Variants in PDK1 observed in about 807,000 individuals in gnomAD.
The protein encoded by PDK1 is [Pyruvate dehydrogenase (acetyl-transferring)] kinase isozyme 1, mitochondrial.
In PDK1, 39 loss-of-function variants were observed where a neutral mutation model predicts 54.2. The observed-to-expected ratio is 0.72, with a 90% CI of 0.56 to 0.94. The LOEUF (loss-of-function observed/expected upper bound fraction) is 0.94, where lower values mean the gene tolerates loss of function less well. PDK1 is among the 40% of genes least tolerant of loss of function. PDK1 has a pLI of 0.00. For synonymous variants in PDK1, 221 were observed against 207.1 expected (o/e 1.07, Z -0.58); for missense variants, 552 against 566.0 (o/e 0.98, Z 0.25).
At chr2:172,709,082 C>A in the PDK1 span, among the ~76,000 whole-genome samples, 29 of 152,036 alleles carry the variant, frequency 1.9e-4, no homozygotes, top group East Asian at 5.4e-3. Flanking sequence ...TGTTTTTAAA[C>A]CTTTGCAGGT....
chr2:172,586,489 A>G, intron 9 of PDK1, 101 bp downstream of exon 9: 1 of 636,256 alleles, frequency 1.6e-6, no homozygotes, highest in South Asian at 1.9e-5. Flanking sequence ...GGTACTCCAC[A>G]AGGAAGAAAG....
Position 172,596,112 on chromosome 2 carries a change from A to G in PDK1, c.*143A>G. 3 of 689,578 alleles carry G rather than the reference A, an allele frequency of 4.4e-6. No individual in the cohort carries two copies. Among genetic ancestry groups the G allele is most frequent in the Non-Finnish European group, 7.0e-6 (3 of 427,728 alleles). 42.7% of individuals were successfully genotyped at this position (689,578 alleles called of 1,614,324 possible). On this transcript the variant is annotated 3_prime_UTR_variant, in exon 11 of 11. Transcript: ENST00000282077. ...GTAGAATAAATGGAAACTGAATTCC[A>G]TTTGTGCCCGTTAAACCTCCTAAAG... is the stretch of plus-strand genomic sequence containing the variant.
intron 8 of PDK1, among the ~76,000 whole-genome samples, chr2:172,583,289 T>G (rs986634133): frequency 4.8e-4 from 61 of 128,080 alleles, no homozygotes; most frequent in South Asian, 1.4e-3. Context: ...TGGTTTTTTT[T>G]TTTTTTTTTT....
Position 172,596,202 on chromosome 2 carries a change from G to A in PDK1, c.*233G>A, listed in dbSNP as rs1574541905. The A allele has an allele frequency of 4.9e-5, 16 of 329,132 alleles. No homozygotes were observed. In the East Asian group the frequency reaches 7.1e-4, roughly 15 times the overall value. The allele number at this position is 329,132 out of a possible 1,614,324, so 20.4% of individuals were successfully genotyped here. ...TAATTGAACATATTTTTAAACAACT[G>A]TAGTTTTGGGCAACTTTTCACTTTG... On this transcript the variant is annotated 3_prime_UTR_variant, in exon 11 of 11. Coordinates refer to ENST00000282077, the MANE Select transcript of PDK1 (RefSeq NM_002610.5).
Position 172,558,795 on chromosome 2 carries a change from G to A in PDK1, c.284G>A (p.Ser95Asn), listed in dbSNP as rs2149186624. Reference sequence around the variant, plus strand: ...CTGGCAAATATAATGAAAGAAATAAGTCTCCTTCCAGATAATCTTCTCAGG... The same window carrying A: ...CTGGCAAATATAATGAAAGAAATAAATCTCCTTCCAGATAATCTTCTCAGG... The part of the protein sequence containing the change: ...VRLANIMKEI[S>N]LLPDNLLRTP... The change falls in exon 2 of 11, where the codon AGT becomes AAT. Residue 95 changes from serine (S) to asparagine (N), a missense_variant. Physicochemically the swap from Ser to Asn is conservative, Grantham distance 46 (BLOSUM62 1). Coordinates refer to ENST00000282077, the MANE Select transcript of PDK1 (RefSeq NM_002610.5). The A allele has an allele frequency of 1.2e-6, 2 of 1,612,022 alleles. No homozygotes were observed. Among genetic ancestry groups the A allele is most frequent in the Non-Finnish European group, 1.7e-6 (2 of 1,179,190 alleles).
the PDK1 span, among the ~76,000 whole-genome samples, chr2:172,669,455 C>G: frequency 6.6e-6 from 1 of 152,194 alleles, no homozygotes. Context: ...CGTGTCTTAG[C>G]TATTGTAAAA....
At chr2:172,577,261 C>T (rs1487892136) in intron 8 of PDK1, among the ~76,000 whole-genome samples, 1 of 152,040 alleles carries the variant, frequency 6.6e-6, no homozygotes, top group African/African-American at 2.4e-5. Flanking sequence ...GTGTAACCAT[C>T]CCAACTCTTT....
the PDK1 span, among the ~76,000 whole-genome samples, chr2:172,691,641 A>G: frequency 6.6e-6 from 1 of 152,218 alleles, no homozygotes; most frequent in Non-Finnish European, 1.5e-5. Context: ...CTTTTGCAGA[A>G]TGTCATATAG....
At chr2:172,615,933 C>CAACG in the PDK1 span, among the ~76,000 whole-genome samples, 16 of 152,304 alleles carry the variant, frequency 1.1e-4, no homozygotes, top group South Asian at 1.0e-3. Flanking sequence ...GGAGTGCCTA[C>CAACG]AACGGAAGAG....
the PDK1 span, among the ~76,000 whole-genome samples, chr2:172,656,088 A>G: frequency 6.6e-6 from 1 of 152,134 alleles, no homozygotes; most frequent in Admixed American, 6.5e-5. Flanking sequence ...CACTAAATTC[A>G]CTACAGATTG....
the PDK1 span, among the ~76,000 whole-genome samples, chr2:172,712,279 T>A: frequency 6.6e-6 from 1 of 152,216 alleles, no homozygotes; most frequent in African/African-American, 2.4e-5. Context: ...GCTTTTACTA[T>A]TATTGTTGTC....
chr2:172,634,438 A>T, the PDK1 span, among the ~76,000 whole-genome samples: 1 of 151,446 alleles, frequency 6.6e-6, no homozygotes, highest in South Asian at 2.1e-4. Flanking sequence ...ATGCCTAGCT[A>T]ATTTTTGTAT....
At chr2:172,720,317 G>A in the PDK1 span, among the ~76,000 whole-genome samples, 1 of 152,084 alleles carries the variant, frequency 6.6e-6, no homozygotes, top group African/African-American at 2.4e-5. Context: ...GTTTCACCGT[G>A]TTGGCCAGGC....
At chr2:172,557,456 G>A (rs186234855) in intron 1 of PDK1, among the ~76,000 whole-genome samples, 130 of 152,282 alleles carry the variant, frequency 8.5e-4, no homozygotes, top group African/African-American at 3.1e-3. Context: ...TCTGCTTAGG[G>A]AGTGATATGG....
chr2:172,642,032 A>G, the PDK1 span, among the ~76,000 whole-genome samples: 8 of 152,226 alleles, frequency 5.3e-5, no homozygotes, highest in African/African-American at 1.7e-4. Context: ...ACAAATCCAA[A>G]AGAAAGTTAG....
At position 172,602,195 on chromosome 2, in the gene PDK1, T is replaced by C. The variant is rs1691138410; in HGVS notation, c.*6226T>C. 6.6e-6 allele frequency: 1 copy of C among 152,172 alleles called. No homozygotes were observed. The highest frequency in any genetic ancestry group is 6.5e-5 in the Admixed American group (1 of 15,276). The allele number at this position is 152,172 out of a possible 1,614,324, so 9.4% of individuals were successfully genotyped here. On this transcript the variant is annotated 3_prime_UTR_variant, in exon 11 of 11. Transcript: ENST00000282077. ...CACTTGAGCAAAGACTGTGAAATATTAATAGACCAATCTTGTTTATGAACA... is the reference window on the plus strand; with the variant it reads ...CACTTGAGCAAAGACTGTGAAATATCAATAGACCAATCTTGTTTATGAACA...
chr2:172,566,829 T>TTTTTG (rs1250381426), intron 5 of PDK1, 27 bp from the exon 6 acceptor site: 5 of 1,501,644 alleles, frequency 3.3e-6, no homozygotes, highest in Non-Finnish European at 4.6e-6. Context: ...ATTAAATCCT[T>TTTTTG]TTTTGTTTTG....
chr2:172,621,837 CAT>C, the PDK1 span, among the ~76,000 whole-genome samples: 44 of 120,884 alleles, frequency 3.6e-4, no homozygotes, highest in South Asian at 2.0e-3. Flanking sequence ...GTTTATATCT[CAT>C]ATGTATGATA....
rs1191069926 is a variant in PDK1 at position 172,605,663 on chromosome 2, C to A, written c.*9694C>A. 1 of 152,224 alleles carries A rather than the reference C, an allele frequency of 6.6e-6. No individual in the cohort carries two copies. The highest frequency in any genetic ancestry group is 1.5e-5 in the Non-Finnish European group (1 of 68,062). 9.4% of individuals were successfully genotyped at this position (152,224 alleles called of 1,614,324 possible). A position where few individuals can be genotyped will look rare whatever the true frequency, so the allele number is the denominator to read the frequency against. ...GTGTTGGGATAGCAGGCATGAACCA[C>A]CGTGCTCAGCCTCTCTGTAAATCTT... is the stretch of plus-strand genomic sequence containing the variant. On this transcript the variant is annotated 3_prime_UTR_variant, in exon 11 of 11. Coordinates refer to ENST00000282077, the MANE Select transcript of PDK1 (RefSeq NM_002610.5).
Sources: gnomAD v4.1 joint callset for allele counts (sites outside exome capture counted in the v4.1 genomes callset) on GRCh38, gnomAD v4.1.1 for gene constraint, MANE v1.5 for transcripts, NCBI Gene and HGNC (gene_info 2026-07-23, HGNC 2026-07-21) for gene names.